The following SHROOM3 variants were observed in gnomAD, a reference collection of about 807,000 sequenced individuals.
SHROOM3 encodes the protein shroom family member 3, also known as protein Shroom3.
SHROOM3 carries 47 observed loss-of-function variants against 138.6 expected under a neutral mutation model. That is an observed-to-expected ratio of 0.34 (90% CI 0.27 to 0.43). The LOEUF (loss-of-function observed/expected upper bound fraction) is 0.43. Ranked by LOEUF, SHROOM3 falls within the 20% of genes least tolerant of loss-of-function variation. The probability of loss-of-function intolerance (pLI) is 1.00; values close to 1 mark genes in which losing one functional copy is unlikely to be tolerated. For synonymous variants in SHROOM3, 1,062 were observed against 1,063.3 expected (o/e 1.00, Z 0.02); for missense variants, 2,491 against 2,596.5 (o/e 0.96, Z 0.88).
chr4:76,754,621 C>T lies in SHROOM3; in HGVS notation c.4138C>T (p.Pro1380Ser). 2 of 1,614,182 alleles carry T rather than the reference C, an allele frequency of 1.2e-6. No homozygotes were observed. The highest frequency in any genetic ancestry group is 1.7e-6 in the Non-Finnish European group (2 of 1,180,016). Residue 1380 changes from proline (P) to serine (S), a missense_variant, in exon 7 of 11, where the codon CCC (proline) becomes TCC (serine). This residue lies in a region of SHROOM3 where 1,733 missense variants were observed against 1,661.6 expected (regional missense o/e 1.04). Transcript: ENST00000296043. ...DGQTGRQPLP[P>S]YTPAMMHRSN... Reference sequence around the variant, plus strand: ...TCAGACAGGGCGACAGCCTCTCCCGCCCTACACCCCTGCCATGATGCACAG... The same window carrying T: ...TCAGACAGGGCGACAGCCTCTCCCGTCCTACACCCCTGCCATGATGCACAG...
intron 1 of SHROOM3, among the ~76,000 whole-genome samples, chr4:76,541,980 G>C (rs1733114712): frequency 6.6e-6 from 1 of 152,166 alleles, no homozygotes; most frequent in Admixed American, 6.5e-5. Flanking sequence ...ATAAGGAGCA[G>C]ATGTTACTTC....
rs1191756235 is a variant in SHROOM3, at chr4:76,507,546, T to C, written c.169-48063T>C. ...TTGGTCATTTGTATCTCTCTTTTTT[T>C]TTTTTTTTGAGATGGAGTCTCGCTC... On this transcript the variant is annotated intron_variant, in intron 1 of 10. Coordinates refer to ENST00000296043, the MANE Select transcript of SHROOM3 (RefSeq NM_020859.4). Among the ~76,000 whole-genome samples the C allele has an allele frequency of 1.3e-5, 2 of 151,524 alleles. 1 individual carries two copies. The highest frequency in any genetic ancestry group is 1.3e-4 in the Admixed American group (2 of 15,188).
intron 2 of SHROOM3, 47 bp from the exon 3 acceptor site, chr4:76,710,109 C>A (rs1255867743): frequency 6.2e-7 from 1 of 1,612,384 alleles, no homozygotes; most frequent in African/African-American, 1.3e-5. Context: ...GTGCTCCTGT[C>A]CATGAACACC....
intron 2 of SHROOM3, among the ~76,000 whole-genome samples, chr4:76,587,574 T>C (rs72661420): frequency 0.073 from 11,168 of 152,258 alleles, 463 homozygotes; most frequent in East Asian, 0.18. Flanking sequence ...TTTCTTCCAA[T>C]GATTACAGCC....
At chr4:76,512,679 T>C (rs1488336588) in intron 1 of SHROOM3, among the ~76,000 whole-genome samples, 2 of 152,152 alleles carry the variant, frequency 1.3e-5, no homozygotes, top group Non-Finnish European at 2.9e-5. Context: ...AAACCTAACC[T>C]GGACCTAAGG....
At chr4:76,532,493 C>T (rs923157376) in intron 1 of SHROOM3, among the ~76,000 whole-genome samples, 8 of 152,094 alleles carry the variant, frequency 5.3e-5, no homozygotes, top group Non-Finnish European at 7.4e-5. Flanking sequence ...GGAGACATTC[C>T]AAGACCCCCA....
At chr4:76,681,780 A>G (rs190414357) in intron 2 of SHROOM3, among the ~76,000 whole-genome samples, 19 of 152,172 alleles carry the variant, frequency 1.2e-4, no homozygotes, top group African/African-American at 4.3e-4. Context: ...ACCAGAAACA[A>G]TTTGCCTCTC....
intron 1 of SHROOM3, among the ~76,000 whole-genome samples, chr4:76,551,964 C>T (rs1057317178): frequency 9.3e-5 from 14 of 150,096 alleles, no homozygotes; most frequent in African/African-American, 2.5e-5. Flanking sequence ...TGGGTTCACG[C>T]CATTCTCCTG....
At chr4:76,710,711 G>A (rs773197497) in intron 3 of SHROOM3, among the ~76,000 whole-genome samples, 7 of 152,000 alleles carry the variant, frequency 4.6e-5, no homozygotes, top group Non-Finnish European at 1.0e-4. Flanking sequence ...AAAATTTCTC[G>A]GAGGAATGTC....
At chr4:76,738,663 C>T (rs1721152346) in intron 4 of SHROOM3, 98 bp from the exon 5 acceptor site, 2 of 1,454,904 alleles carry the variant, frequency 1.4e-6, no homozygotes, top group Admixed American at 1.7e-5. Context: ...AACACCAAAC[C>T]TCTTGCACAA....
At chr4:76,548,307 G>A (rs929264875) in intron 1 of SHROOM3, among the ~76,000 whole-genome samples, 1 of 152,182 alleles carries the variant, frequency 6.6e-6, no homozygotes, top group African/African-American at 2.4e-5. Flanking sequence ...TACAGAGGGA[G>A]GACTGCGGTT....
chr4:76,741,396 G>A lies in SHROOM3; in HGVS notation c.3223G>A (p.Gly1075Arg), dbSNP rs1391649567. 2 of 1,601,114 alleles carry A rather than the reference G, an allele frequency of 1.2e-6. No homozygotes were observed. Among genetic ancestry groups the A allele is most frequent in the Non-Finnish European group, 1.7e-6 (2 of 1,174,856 alleles). ...GGCCTGCTCCACGCTCAGCCTGTCG[G>A]GGCCCGAGCTGAAGCAGTTCCAGCA... ...GKACSTLSLS[G>R]PELKQFQQSA... The change falls in exon 5 of 11, where the codon GGG becomes AGG. Residue 1075 changes from glycine (G) to arginine (R), a missense_variant. Gly to Arg is a moderately radical substitution (Grantham distance 125). Around this residue, in one of 4 missense-constraint regions of SHROOM3, gnomAD observed 1,733 missense variants for 1,661.6 expected, o/e 1.04. Transcript: ENST00000296043. The surrounding 1 kb of genome is among the most constrained non-coding windows in gnomAD (Gnocchi z 6.2).
intron 4 of SHROOM3, among the ~76,000 whole-genome samples, chr4:76,735,861 AAAAAAAAATATATATATATAT>A (rs1458254416): frequency 9.3e-5 from 2 of 21,454 alleles, no homozygotes; most frequent in African/African-American, 2.7e-4. Flanking sequence ...AAAAAAAAAA[AAAAAAAAATATATATATATAT>A]ATATATATAT....
chr4:76,443,423 T>C (rs1368532527), intron 1 of SHROOM3, among the ~76,000 whole-genome samples: 1 of 152,254 alleles, frequency 6.6e-6, no homozygotes, highest in Non-Finnish European at 1.5e-5. Flanking sequence ...AGACTTTCTA[T>C]CAATTTTTGA....
intron 2 of SHROOM3, among the ~76,000 whole-genome samples, chr4:76,582,149 C>T (rs1454222999): frequency 6.6e-6 from 1 of 152,100 alleles, no homozygotes; most frequent in African/African-American, 2.4e-5. Context: ...AAACACAATA[C>T]ATATGTGAAT....
At chr4:76,618,067 A>AGGCAGGAGGATTGCTTGAG (rs1734921752) in intron 2 of SHROOM3, among the ~76,000 whole-genome samples, 1 of 152,254 alleles carries the variant, frequency 6.6e-6, no homozygotes, top group African/African-American at 2.4e-5. Context: ...TGGGAGTCCA[A>AGGCAGGAGGATTGCTTGAG]GGCAGGAGGA....
intron 9 of SHROOM3, among the ~76,000 whole-genome samples, chr4:76,766,943 ACAGAAGCCTCCCTGCAT>A (rs1170024465): frequency 7.9e-5 from 12 of 152,094 alleles, no homozygotes; most frequent in Admixed American, 3.3e-4. Context: ...GGTTCTTTCC[ACAGAAGCCTCCCTGCAT>A]CACTTCTATA....
intron 2 of SHROOM3, among the ~76,000 whole-genome samples, chr4:76,647,344 C>T (rs1286372912): frequency 1.3e-5 from 2 of 151,978 alleles, no homozygotes; most frequent in South Asian, 2.1e-4. Context: ...CTCTAATGTT[C>T]GACAGCAGAG....
chr4:76,680,419 G>A (rs543165662), intron 2 of SHROOM3, among the ~76,000 whole-genome samples: 4 of 152,276 alleles, frequency 2.6e-5, no homozygotes, highest in African/African-American at 9.6e-5. Flanking sequence ...GATTACAGGC[G>A]TAAGCCACTG....
Sources: allele counts gnomAD v4.1 joint callset (sites outside exome capture counted in the v4.1 genomes callset), GRCh38; gene constraint gnomAD v4.1.1; regional missense constraint gnomAD v4.1.1; non-coding constraint Gnocchi (gnomAD v3.1); transcripts MANE v1.5; gene names NCBI Gene and HGNC (gene_info 2026-07-23, HGNC 2026-07-21).